The following GRIK1 variants were observed in gnomAD, a reference collection of about 807,000 sequenced individuals.
The protein encoded by GRIK1 is glutamate ionotropic receptor kainate type subunit 1.
A neutral mutation model predicts 105.7 loss-of-function variants in GRIK1; 69 were observed. That is an observed-to-expected ratio of 0.65 (90% CI 0.54 to 0.80). The LOEUF is 0.80. GRIK1 is among the 30% of genes least tolerant of loss of function. The pLI, the probability that GRIK1 is intolerant of heterozygous loss-of-function variation, is 0.00. For synonymous variants in GRIK1, 438 were observed against 431.3 expected (o/e 1.02, Z -0.19); for missense variants, 1,109 against 1,167.3 (o/e 0.95, Z 0.73).
intron 1 of GRIK1, 54 bp downstream of exon 1, chr21:29,939,329 G>C (rs2071889846): frequency 9.3e-7 from 1 of 1,073,476 alleles, no homozygotes; most frequent in Non-Finnish European, 1.4e-6. Flanking sequence ...CTACACCCGC[G>C]TTGGTGCGGC....
At chr21:29,677,126 A>G (rs2063284537) in intron 3 of GRIK1, among the ~76,000 whole-genome samples, 1 of 152,170 alleles carries the variant, frequency 6.6e-6, no homozygotes, top group Non-Finnish European at 1.5e-5. Flanking sequence ...TATAATTTTT[A>G]TTGTTGTAGG....
intron 1 of GRIK1, among the ~76,000 whole-genome samples, chr21:29,702,860 C>A (rs1322822893): frequency 2.7e-5 from 3 of 110,078 alleles, no homozygotes; most frequent in East Asian, 5.6e-4. Flanking sequence ...CCTGCCAATA[C>A]CCAGATTTCA....
intron 1 of GRIK1, among the ~76,000 whole-genome samples, chr21:29,902,582 A>G (rs374688797): frequency 2.0e-5 from 3 of 152,336 alleles, no homozygotes; most frequent in East Asian, 3.9e-4. Flanking sequence ...AATACAACTT[A>G]CAAGAGATGT....
chr21:29,871,748 C>T (rs1219823750), intron 1 of GRIK1, among the ~76,000 whole-genome samples: 1 of 147,222 alleles, frequency 6.8e-6, no homozygotes, highest in Non-Finnish European at 1.5e-5. Flanking sequence ...CTACCAAAAG[C>T]CAATCTTTTT....
intron 1 of GRIK1, among the ~76,000 whole-genome samples, chr21:29,829,455 G>A (rs1327931820): frequency 6.6e-6 from 1 of 152,114 alleles, no homozygotes; most frequent in Admixed American, 6.6e-5. Context: ...TATACTCCGT[G>A]GATCCTCCAA....
At chr21:29,936,875 AC>A (rs2071774547) in intron 1 of GRIK1, among the ~76,000 whole-genome samples, 2 of 152,300 alleles carry the variant, frequency 1.3e-5, no homozygotes, top group South Asian at 2.1e-4. Context: ...CTATATGAGG[AC>A]CCAGTACTAA....
At chr21:29,548,982 GGACAACAC>G (rs2090087947) in intron 16 of GRIK1, among the ~76,000 whole-genome samples, 1 of 152,030 alleles carries the variant, frequency 6.6e-6, no homozygotes. Flanking sequence ...GAAACAAATT[GGACAACAC>G]TATGTTTCAT....
At chr21:29,746,304 TA>T (rs1479417301) in intron 1 of GRIK1, among the ~76,000 whole-genome samples, 1 of 152,204 alleles carries the variant, frequency 6.6e-6, no homozygotes, top group Non-Finnish European at 1.5e-5. Context: ...AAACATTTGT[TA>T]AACAACTTTG....
At chr21:29,672,866 C>T (rs1439651293) in intron 4 of GRIK1, 117 bp downstream of exon 4, 2 of 731,198 alleles carry the variant, frequency 2.7e-6, no homozygotes, top group East Asian at 2.5e-5. Context: ...TAATCTTTAG[C>T]ATAAACGGGA....
At chr21:29,924,705 C>T (rs983872291) in intron 1 of GRIK1, among the ~76,000 whole-genome samples, 5 of 152,048 alleles carry the variant, frequency 3.3e-5, no homozygotes, top group Non-Finnish European at 7.4e-5. Flanking sequence ...TTATTTAAAA[C>T]TATTTGCAAG....
At chr21:29,697,031 A>C (rs2063717094) in intron 1 of GRIK1, among the ~76,000 whole-genome samples, 1 of 151,550 alleles carries the variant, frequency 6.6e-6, no homozygotes, top group Non-Finnish European at 1.5e-5. Flanking sequence ...GTGAACAAGA[A>C]GATTACACAT....
chr21:29,889,803 A>C (rs2069824225), intron 1 of GRIK1, among the ~76,000 whole-genome samples: 1 of 152,098 alleles, frequency 6.6e-6, no homozygotes, highest in South Asian at 2.1e-4. Context: ...ATATTTTGGC[A>C]TCCTGTATTT....
At chr21:29,738,888 C>A (rs1230974938) in intron 1 of GRIK1, among the ~76,000 whole-genome samples, 2 of 152,126 alleles carry the variant, frequency 1.3e-5, no homozygotes, top group African/African-American at 4.8e-5. Context: ...ATAATGCAGC[C>A]TTTTGTAATG....
chr21:29,850,174 A>G (rs1403341746), intron 1 of GRIK1, among the ~76,000 whole-genome samples: 2 of 152,208 alleles, frequency 1.3e-5, no homozygotes, highest in Non-Finnish European at 2.9e-5. Context: ...CTTAAAAACT[A>G]TCTCAAATAT....
At chr21:29,577,446 TTTAG>T (rs1038616166) in intron 13 of GRIK1, among the ~76,000 whole-genome samples, 6 of 152,192 alleles carry the variant, frequency 3.9e-5, no homozygotes, top group African/African-American at 1.4e-4. Context: ...ATGTCTAAAA[TTTAG>T]TTAGTTTAGT....
chr21:29,600,378 T>G (rs1207150263), intron 7 of GRIK1, among the ~76,000 whole-genome samples: 2 of 152,188 alleles, frequency 1.3e-5, no homozygotes. Context: ...TGGGTATCTC[T>G]GGTGGTTTTA....
intron 1 of GRIK1, among the ~76,000 whole-genome samples, chr21:29,842,695 A>C (rs563581232): frequency 2.0e-5 from 3 of 152,250 alleles, no homozygotes; most frequent in South Asian, 4.1e-4. Flanking sequence ...TCTTCAAACT[A>C]TCTGGCAGAC....
chr21:29,721,520 T>C (rs1267700565), intron 1 of GRIK1, among the ~76,000 whole-genome samples: 1 of 126,432 alleles, frequency 7.9e-6, no homozygotes, highest in Non-Finnish European at 1.7e-5. Flanking sequence ...ATGGGCAAAA[T>C]GAAAAAAAAA....
At chr21:29,904,092 G>A (rs1602000739) in intron 1 of GRIK1, among the ~76,000 whole-genome samples, 2 of 152,220 alleles carry the variant, frequency 1.3e-5, no homozygotes, top group South Asian at 2.1e-4. Context: ...CATGGACACA[G>A]GGAGGGGAAC....
Sources: gnomAD v4.1 joint callset for allele counts (sites outside exome capture counted in the v4.1 genomes callset) on GRCh38, gnomAD v4.1.1 for gene constraint, MANE v1.5 for transcripts, NCBI Gene and HGNC (gene_info 2026-07-23, HGNC 2026-07-21) for gene names.